The following MMD2 variants were observed in gnomAD, a reference collection of about 807,000 sequenced individuals.
MMD2 encodes monocyte to macrophage differentiation associated 2, also known as monocyte to macrophage differentiation factor 2.
MMD2 carries 30 observed loss-of-function variants against 33.5 expected under a neutral mutation model. The ratio of observed to expected loss-of-function variants is 0.90; its 90% CI spans 0.67 to 1.22. The LOEUF (loss-of-function observed/expected upper bound fraction) is 1.22, where lower values mean the gene tolerates loss of function less well. Ranked by LOEUF, MMD2 falls within the 50% of genes most tolerant of loss-of-function variation. The pLI is 0.00. For synonymous variants in MMD2, 129 were observed against 123.0 expected, an observed-to-expected ratio of 1.05 and a Z score of -0.32; for missense variants, 364 against 325.4, an observed-to-expected ratio of 1.12 and a Z score of -0.91.
At chr7:4,915,929 G>A in intron 4 of MMD2, 76 bp downstream of exon 4, 2 of 1,463,434 alleles carry the variant, frequency 1.4e-6, no homozygotes, top group Non-Finnish European at 9.5e-7. Flanking sequence ...ACATTACCCA[G>A]CCAAATAGAA....
chr7:4,913,220 G>A (rs1287624698), intron 4 of MMD2, among the ~76,000 whole-genome samples: 1 of 152,142 alleles, frequency 6.6e-6, no homozygotes, highest in Non-Finnish European at 1.5e-5. Context: ...AGAAGGATAG[G>A]ACGGGATGAA....
chr7:4,919,096 C>T (rs563148644), intron 3 of MMD2, among the ~76,000 whole-genome samples: 2 of 151,186 alleles, frequency 1.3e-5, no homozygotes, highest in South Asian at 4.2e-4. Context: ...GAGACCCCAT[C>T]TCAAAAAAAA....
chr7:4,907,808 C>A (rs940382093), intron 6 of MMD2, among the ~76,000 whole-genome samples: 2 of 152,162 alleles, frequency 1.3e-5, no homozygotes, highest in Non-Finnish European at 2.9e-5. Context: ...ATTAAAACTT[C>A]ACCAATTTTT....
chr7:4,892,814 C>G, the MMD2 span, among the ~76,000 whole-genome samples: 1 of 151,734 alleles, frequency 6.6e-6, no homozygotes, highest in Non-Finnish European at 1.5e-5. Context: ...CTCCTGGGTT[C>G]AAGCGATTCT....
At chr7:4,957,163 C>CAAA (rs72291506) in intron 1 of MMD2, among the ~76,000 whole-genome samples, 37 of 138,408 alleles carry the variant, frequency 2.7e-4, no homozygotes, top group African/African-American at 9.0e-4. Context: ...GAGACTGTCT[C>CAAA]AAAAAAAAAA....
chr7:4,916,726 A>G (rs1214744030), intron 3 of MMD2, among the ~76,000 whole-genome samples: 1 of 152,068 alleles, frequency 6.6e-6, no homozygotes, highest in East Asian at 1.9e-4. Flanking sequence ...TTTCTGCTTT[A>G]TATACTGGGT....
At chr7:4,934,509 G>C (rs1785684174) in intron 1 of MMD2, among the ~76,000 whole-genome samples, 1 of 152,224 alleles carries the variant, frequency 6.6e-6, no homozygotes, top group African/African-American at 2.4e-5. Context: ...TCTCTCGAAA[G>C]AGCCGACGTT....
At chr7:4,949,684 G>A (rs1261524228) in intron 1 of MMD2, among the ~76,000 whole-genome samples, 1 of 151,760 alleles carries the variant, frequency 6.6e-6, no homozygotes, top group Non-Finnish European at 1.5e-5. Context: ...GCTAATTTTT[G>A]TATTTTTTGT....
chr7:4,934,897 G>A (rs138478805), intron 1 of MMD2, among the ~76,000 whole-genome samples: 14 of 152,076 alleles, frequency 9.2e-5, no homozygotes, highest in East Asian at 5.8e-4. Flanking sequence ...TAAAGAATAC[G>A]GTTTAAGGCC....
At chr7:4,914,859 A>C (rs1444588331) in intron 4 of MMD2, among the ~76,000 whole-genome samples, 2 of 152,154 alleles carry the variant, frequency 1.3e-5, no homozygotes, top group African/African-American at 4.8e-5. Context: ...CAAACCCGGG[A>C]GGTGGAGGTT....
intron 2 of MMD2, among the ~76,000 whole-genome samples, chr7:4,920,681 C>T (rs1325870398): frequency 1.6e-5 from 2 of 125,260 alleles, no homozygotes; most frequent in African/African-American, 3.2e-5. Flanking sequence ...CTTCCCTCCT[C>T]CCTCTCTCCT....
the MMD2 span, among the ~76,000 whole-genome samples, chr7:4,895,756 G>A: frequency 2.0e-5 from 3 of 151,764 alleles, no homozygotes; most frequent in Non-Finnish European, 2.9e-5. Context: ...GGTTGGTCTC[G>A]AACTCCTGAC....
At chr7:4,945,198 T>TCTTCTTCTTCTTCTTCTTCTTCTTCG (rs1562493786) in intron 1 of MMD2, among the ~76,000 whole-genome samples, 1 of 136,730 alleles carries the variant, frequency 7.3e-6, no homozygotes, top group African/African-American at 2.8e-5. Context: ...CTTCTTCTTC[T>TCTTCTTCTTCTTCTTCTTCTTCTTCG]TCTTCTTCTT....
intron 1 of MMD2, among the ~76,000 whole-genome samples, chr7:4,952,491 T>C (rs1420130620): frequency 6.6e-6 from 1 of 152,204 alleles, no homozygotes; most frequent in African/African-American, 2.4e-5. Context: ...GGGCGGCCAC[T>C]GCCCGAACCT....
chr7:4,920,260 G>C lies in MMD2; in HGVS notation c.201C>G (p.Ile67Met). The change falls in exon 3 of 7, where the codon ATC (isoleucine) becomes ATG (methionine). Residue 67 changes from isoleucine (I) to methionine (M), a missense_variant. By Grantham distance (10) the Ile-to-Met change is conservative. Transcript: ENST00000401401. Reference sequence around the variant, plus strand: ...GGCCGAGGCCGTAGATCCAGGCAGAGATGGTCTCCCAGTCATCGTCCGACA... The same window carrying C: ...GGCCGAGGCCGTAGATCCAGGCAGACATGGTCTCCCAGTCATCGTCCGACA... ...YFLSDDDWETISAWIYGLGLC... is the reference protein window; with the variant it reads ...YFLSDDDWETMSAWIYGLGLC... 1.9e-6 allele frequency: 3 copies of C among 1,604,376 alleles called. No individual in the cohort carries two copies. Among genetic ancestry groups the C allele is most frequent in the Non-Finnish European group, 2.6e-6 (3 of 1,175,938 alleles).
chr7:4,945,240 C>G (rs376951314), intron 1 of MMD2, among the ~76,000 whole-genome samples: 1 of 16,570 alleles, frequency 6.0e-5, no homozygotes, highest in East Asian at 4.3e-3. Context: ...CTTCTTCTTC[C>G]TCTCTCTCTT....
downstream of MMD2, chr7:4,905,900 A>G (rs116293730): frequency 9.1e-3 from 1,398 of 152,958 alleles, 27 homozygotes; most frequent in African/African-American, 0.032. The surrounding 1 kb of genome is among the most constrained non-coding windows in gnomAD (Gnocchi z 5.0). Flanking sequence ...ACATATACAC[A>G]CACACACACG....
intron 1 of MMD2, among the ~76,000 whole-genome samples, chr7:4,945,249 T>TTCTTCTTCTTCTTCTTCTTCTTC (rs1491219177): frequency 2.1e-5 from 3 of 144,210 alleles, no homozygotes; most frequent in Non-Finnish European, 3.0e-5. Context: ...CCTCTCTCTC[T>TTCTTCTTCTTCTTCTTCTTCTTC]TTCTTTCCCT....
At position 4,928,499 on chromosome 7, in the gene MMD2, T is replaced by C. The variant is rs138442279; in HGVS notation, c.48-2967A>G. Among the ~76,000 whole-genome samples the C allele has an allele frequency of 1.3e-3, 202 of 151,688 alleles. 2 individuals are homozygous for C. Among genetic ancestry groups the C allele is most frequent in the African/African-American group, 4.7e-3 (196 of 41,304 alleles). ...GTCAAGTACAGTTACAGAGCCTTCA[T>C]TGAGCACCTTCCGTATGCTGGCCTC... On this transcript the variant is annotated intron_variant, in intron 1 of 6. Coordinates refer to ENST00000401401, the MANE Select transcript of MMD2 (RefSeq NM_198403.4).
Sources: gnomAD v4.1 joint callset for allele counts (sites outside exome capture counted in the v4.1 genomes callset) on GRCh38, gnomAD v4.1.1 for gene constraint, Gnocchi (gnomAD v3.1) non-coding constraint, MANE v1.5 for transcripts, NCBI Gene and HGNC (gene_info 2026-07-23, HGNC 2026-07-21) for gene names.